The following DLG5 variants were observed in gnomAD, a reference collection of about 807,000 sequenced individuals.
DLG5 encodes the protein discs large MAGUK scaffold protein 5.
A neutral mutation model predicts 189.8 loss-of-function variants in DLG5; 48 were observed. The observed-to-expected ratio is 0.25, with a 90% CI of 0.20 to 0.32. The LOEUF is 0.32. Ranked by LOEUF, DLG5 falls within the 10% of genes least tolerant of loss-of-function variation. DLG5 has a pLI of 1.00. For synonymous variants in DLG5, 1,016 were observed against 1,054.1 expected (o/e 0.96, Z 0.70); for missense variants, 2,160 against 2,544.7 (o/e 0.85, Z 3.25).
the DLG5 span, among the ~76,000 whole-genome samples, chr10:77,938,458 C>T: frequency 6.6e-6 from 1 of 152,056 alleles, no homozygotes; most frequent in Non-Finnish European, 1.5e-5. Context: ...AAAAACCTCA[C>T]CTACTTGTTG....
intron 1 of DLG5, among the ~76,000 whole-genome samples, chr10:77,879,056 C>A (rs139657523): frequency 0.011 from 1,684 of 152,150 alleles, 9 homozygotes; most frequent in Non-Finnish European, 0.018. Context: ...GTGACAGGGG[C>A]GGGGGAGAAA....
intron 27 of DLG5, among the ~76,000 whole-genome samples, chr10:77,800,588 G>A (rs903664733): frequency 1.3e-5 from 2 of 152,204 alleles, no homozygotes; most frequent in African/African-American, 2.4e-5. Context: ...GAGAACCCAC[G>A]AAAAGTTTCT....
intron 2 of DLG5, among the ~76,000 whole-genome samples, chr10:77,863,570 C>A (rs1252904879): frequency 2.0e-5 from 3 of 152,190 alleles, no homozygotes; most frequent in Non-Finnish European, 4.4e-5. Flanking sequence ...GGGTTGTCAA[C>A]AAAAGCCTCC....
At position 77,809,521 on chromosome 10, in the gene DLG5, G is replaced by A. The variant is rs200666071; in HGVS notation, c.4647+26C>T. On this transcript the variant is annotated intron_variant, in intron 24 of 31. Transcript: ENST00000372391. ...CCACTGTGCAGGTAGATGGAGGCCT[G>A]GCCTGCTCAGCAGCTCAGAACTCAC... 3.1e-5 allele frequency: 49 copies of A among 1,599,008 alleles called. No homozygotes were observed. In the East Asian group the frequency reaches 1.1e-3, roughly 36 times the overall value.
the DLG5 span, among the ~76,000 whole-genome samples, chr10:77,934,015 T>C: frequency 6.7e-6 from 1 of 148,484 alleles, no homozygotes; most frequent in African/African-American, 2.5e-5. Context: ...ACCACTGCAC[T>C]CCAGCCTGGG....
chr10:77,863,833 G>T (rs1419038712), intron 2 of DLG5, among the ~76,000 whole-genome samples: 1 of 152,154 alleles, frequency 6.6e-6, no homozygotes, highest in Non-Finnish European at 1.5e-5. Context: ...GCTCTGGATG[G>T]AGACAAAGAG....
At chr10:77,934,098 C>T in the DLG5 span, among the ~76,000 whole-genome samples, 6 of 151,854 alleles carry the variant, frequency 4.0e-5, no homozygotes, top group African/African-American at 1.2e-4. Context: ...AGGCTGGGCA[C>T]GGTGGCTCAC....
intron 25 of DLG5, 57 bp from the exon 26 acceptor site, chr10:77,806,985 C>G: frequency 6.4e-7 from 1 of 1,573,224 alleles, no homozygotes; most frequent in South Asian, 1.1e-5. Flanking sequence ...AAGGACGAAC[C>G]AGGTGCCTTC....
chr10:77,920,756 C>A (rs754465), intron 1 of DLG5, among the ~76,000 whole-genome samples: 79,567 of 151,998 alleles, frequency 0.52, 21,914 homozygotes, highest in Admixed American at 0.63. Flanking sequence ...GGCTGTGAAC[C>A]TGAACAGAGG....
At chr10:77,832,936 CTT>C (rs1842949070) in intron 9 of DLG5, among the ~76,000 whole-genome samples, 1 of 152,056 alleles carries the variant, frequency 6.6e-6, no homozygotes, top group South Asian at 2.1e-4. Flanking sequence ...AAATGGAGCT[CTT>C]TGTCTCATTA....
At chr10:77,917,105 C>T (rs1044521904) in intron 1 of DLG5, among the ~76,000 whole-genome samples, 4 of 151,842 alleles carry the variant, frequency 2.6e-5, no homozygotes, top group East Asian at 1.9e-4. Context: ...GAGGCCAAGG[C>T]GGCCAGATCG....
intron 7 of DLG5, among the ~76,000 whole-genome samples, chr10:77,838,886 G>C (rs1170605389): frequency 6.6e-6 from 1 of 152,238 alleles, no homozygotes; most frequent in African/African-American, 2.4e-5. Context: ...TTGAGAAGGA[G>C]CTGAGGATTT....
At chr10:77,926,869 C>A (rs1281437937), upstream of DLG5, 1 of 312,470 alleles carries the variant, frequency 3.2e-6, no homozygotes, top group African/African-American at 2.3e-5. This position sits in a 1 kb window ranked among gnomAD's most constrained non-coding sequence, Gnocchi z 5.2. Flanking sequence ...TCCCCCTCAG[C>A]CTCCGCGCGC....
At position 77,886,383 on chromosome 10, in the gene DLG5, G is replaced by GT. The variant is rs1377004933; in HGVS notation, c.305-17187_305-17186insA. ...AGAACCGTGTGAGAGTAGTAATGTT[G>GT]CTTTTTTTTTTTTTGGAGACAGAGT... On this transcript the variant is annotated intron_variant, in intron 1 of 31. Transcript: ENST00000372391. Among the ~76,000 whole-genome samples the GT allele has an allele frequency of 1.1e-4, 9 of 82,362 alleles. No homozygotes were observed. The South Asian group carries it at 3.1e-3, about 29-fold the overall frequency. 54.0% of individuals were successfully genotyped at this position (82,362 alleles called of 152,430 possible).
upstream of DLG5, among the ~76,000 whole-genome samples, chr10:77,930,398 AG>A (rs1239734069): frequency 1.3e-5 from 2 of 151,816 alleles, no homozygotes; most frequent in African/African-American, 4.8e-5. Context: ...CCCAGGCTGG[AG>A]TGCAGTGGCG....
chr10:77,820,211 T>C, intron 15 of DLG5, 193 bp from the exon 16 acceptor site: 1 of 655,124 alleles, frequency 1.5e-6, no homozygotes, highest in Non-Finnish European at 2.4e-6. Context: ...CTGGGCATGG[T>C]AGTGGGTGCC....
chr10:77,805,585 T>G, intron 27 of DLG5, 80 bp downstream of exon 27: 1 of 1,455,360 alleles, frequency 6.9e-7, no homozygotes, highest in Non-Finnish European at 9.3e-7. Flanking sequence ...CTCTTTTGTT[T>G]AAGTCCCTGT....
At chr10:77,871,536 CTTTTTT>C (rs34326711) in intron 1 of DLG5, among the ~76,000 whole-genome samples, 1 of 83,886 alleles carries the variant, frequency 1.2e-5, no homozygotes, top group Non-Finnish European at 2.1e-5. Flanking sequence ...AAGCATCACA[CTTTTTT>C]TTTTTTTTTT....
At chr10:77,847,106 CAGCA>C in intron 5 of DLG5, among the ~76,000 whole-genome samples, 1 of 152,244 alleles carries the variant, frequency 6.6e-6, no homozygotes, top group South Asian at 2.1e-4. Context: ...ATCAGGCTGC[CAGCA>C]AGGGCCGTGA....
Sources: gnomAD v4.1 joint callset for allele counts (sites outside exome capture counted in the v4.1 genomes callset) on GRCh38, gnomAD v4.1.1 for gene constraint, Gnocchi (gnomAD v3.1) non-coding constraint, MANE v1.5 for transcripts, NCBI Gene and HGNC (gene_info 2026-07-23, HGNC 2026-07-21) for gene names.